Variants in PAH observed in about 807,000 individuals in gnomAD.
PAH encodes phenylalanine-4-hydroxylase.
Under a neutral mutation model 62.0 loss-of-function variants are expected in PAH, and 64 were observed. The observed-to-expected ratio is 1.03, with a 90% confidence interval of 0.84 to 1.27. The LOEUF (loss-of-function observed/expected upper bound fraction) is 1.27, where lower values mean the gene tolerates loss of function less well. Among genes scored for constraint, PAH ranks in the 50% most tolerant of loss-of-function variants. PAH has a pLI of 0.00. For synonymous variants in PAH, 195 were observed against 196.2 expected (o/e 0.99, Z 0.05); for missense variants, 579 against 542.8 (o/e 1.07, Z -0.66).
intron 1 of PAH, among the ~76,000 whole-genome samples, chr12:102,939,135 C>T (rs1879204982): frequency 6.6e-6 from 1 of 152,072 alleles, no homozygotes; most frequent in African/African-American, 2.4e-5. Context: ...GAAACCCCCA[C>T]TTGGGCCTGC....
intron 5 of PAH, among the ~76,000 whole-genome samples, chr12:102,855,989 T>C (rs1362362275): frequency 6.6e-6 from 1 of 150,858 alleles, no homozygotes; most frequent in Non-Finnish European, 1.5e-5. Flanking sequence ...TTGTACACCA[T>C]ATTTTATATA....
chr12:102,871,934 A>T (rs1341806419), intron 4 of PAH, among the ~76,000 whole-genome samples: 22 of 108,504 alleles, frequency 2.0e-4, no homozygotes, highest in Non-Finnish European at 3.1e-4. Flanking sequence ...AAAAAAAAAA[A>T]AAAAAAAAAA....
At chr12:102,850,082 C>T (rs190245337) in intron 8 of PAH, among the ~76,000 whole-genome samples, 1 of 152,206 alleles carries the variant, frequency 6.6e-6, no homozygotes, top group African/African-American at 2.4e-5. Context: ...TAAAAGGTTC[C>T]TATTCTTCAA....
At chr12:102,903,688 C>A (rs1309305337) in intron 2 of PAH, among the ~76,000 whole-genome samples, 1 of 152,168 alleles carries the variant, frequency 6.6e-6, no homozygotes, top group Non-Finnish European at 1.5e-5. Flanking sequence ...AATTCTGAAG[C>A]AGTTTTTGTC....
At chr12:102,849,825 A>G (rs1875069957) in intron 8 of PAH, among the ~76,000 whole-genome samples, 1 of 152,130 alleles carries the variant, frequency 6.6e-6, no homozygotes, top group Admixed American at 6.5e-5. Flanking sequence ...TCCATCCTGT[A>G]CTGTAGTGGG....
At chr12:102,853,629 G>C (rs972436118) in intron 6 of PAH, among the ~76,000 whole-genome samples, 1 of 152,214 alleles carries the variant, frequency 6.6e-6, no homozygotes, top group Admixed American at 6.5e-5. Flanking sequence ...AAGTCCATTT[G>C]TGTGCATATC....
At chr12:102,845,090 C>A (rs1291291156) in intron 9 of PAH, among the ~76,000 whole-genome samples, 1 of 152,092 alleles carries the variant, frequency 6.6e-6, no homozygotes, top group East Asian at 1.9e-4. Context: ...AGCAACTGCC[C>A]CAGTGCCATG....
chr12:102,939,970 AG>A (rs1879234325), intron 1 of PAH, among the ~76,000 whole-genome samples: 1 of 152,218 alleles, frequency 6.6e-6, no homozygotes, highest in Non-Finnish European at 1.5e-5. Context: ...GGCAAGCAGG[AG>A]GAAATACAGA....
intron 3 of PAH, among the ~76,000 whole-genome samples, chr12:102,884,464 C>A (rs906380610): frequency 8.5e-5 from 13 of 152,252 alleles, no homozygotes; most frequent in African/African-American, 3.1e-4. Flanking sequence ...TTGAAGCCAG[C>A]AGGTCTGAGT....
upstream of PAH, among the ~76,000 whole-genome samples, chr12:102,919,154 G>A (rs948133806): frequency 2.0e-5 from 3 of 152,146 alleles, no homozygotes; most frequent in African/African-American, 7.2e-5. Context: ...TTCAATCTAT[G>A]TTTCACCCAA....
rs1565854656 is a variant in PAH at position 102,868,047 on chromosome 12, TATGTATATATATAC to T, written c.442-1398_442-1385del. ...ATATACATGTATATACACCTATATA[TATGTATATATATAC>T]ACATATATATACATATATGTGTGTG... On this transcript the variant is annotated intron_variant, in intron 4 of 12. Coordinates refer to ENST00000553106, the MANE Select transcript of PAH (RefSeq NM_000277.3). Among the ~76,000 whole-genome samples the T allele has an allele frequency of 2.5e-3, 292 of 119,058 alleles. 67 individuals carry two copies. Among genetic ancestry groups the T allele is most frequent in the African/African-American group, 7.9e-3 (276 of 34,748 alleles). The allele number at this position is 119,058 out of a possible 152,430, so 78.1% of individuals were successfully genotyped here. A position where few individuals can be genotyped will look rare whatever the true frequency, so the allele number is the denominator to read the frequency against.
upstream of PAH, among the ~76,000 whole-genome samples, chr12:102,921,768 A>G (rs553969469): frequency 6.6e-6 from 1 of 152,306 alleles, no homozygotes; most frequent in Non-Finnish European, 1.5e-5. Flanking sequence ...AAAGAGGCCA[A>G]TCCCACAATC....
At chr12:102,881,813 T>C (rs940844040) in intron 3 of PAH, among the ~76,000 whole-genome samples, 2 of 152,236 alleles carry the variant, frequency 1.3e-5, no homozygotes, top group African/African-American at 4.8e-5. Flanking sequence ...CTGAATAATA[T>C]TCCATTGTGT....
intron 5 of PAH, among the ~76,000 whole-genome samples, chr12:102,860,813 C>T (rs953344274): frequency 6.6e-6 from 1 of 152,146 alleles, no homozygotes; most frequent in Non-Finnish European, 1.5e-5. Flanking sequence ...CCCTTCCTTA[C>T]ACCTTATACA....
chr12:102,884,871 C>A (rs562226854), intron 3 of PAH, among the ~76,000 whole-genome samples: 2 of 152,324 alleles, frequency 1.3e-5, no homozygotes, highest in Admixed American at 6.5e-5. Context: ...GCTTTACTTT[C>A]ATCATCTCCT....
chr12:102,934,749 G>A lies in PAH; in HGVS notation c.-96+15840C>T, dbSNP rs1879038598. 2.0e-5 allele frequency among the ~76,000 whole-genome samples: 3 copies of A among 152,016 alleles called. No individual in the cohort carries two copies. In the South Asian group the frequency reaches 6.2e-4, roughly 31 times the overall value. ...GCTGCTGGCATATAGAAATGCTACTGATTTTCTATGTTAATTTTATATCCT... is the reference window on the plus strand; with the variant it reads ...GCTGCTGGCATATAGAAATGCTACTAATTTTCTATGTTAATTTTATATCCT... On this transcript the variant is annotated intron_variant, in intron 1 of 3. Transcript: ENST00000546844.
intron 2 of PAH, among the ~76,000 whole-genome samples, chr12:102,899,095 C>CA (rs1877628245): frequency 6.6e-6 from 1 of 152,180 alleles, no homozygotes; most frequent in African/African-American, 2.4e-5. Context: ...TTAAACAAAG[C>CA]AAAGAGCAAT....
At chr12:102,870,510 G>A (rs1386642471) in intron 4 of PAH, among the ~76,000 whole-genome samples, 3 of 152,142 alleles carry the variant, frequency 2.0e-5, no homozygotes, top group Non-Finnish European at 1.5e-5. Flanking sequence ...CTCAAAGCAT[G>A]ATGCATTTGT....
intron 2 of PAH, among the ~76,000 whole-genome samples, chr12:102,904,273 C>A (rs1877882729): frequency 6.6e-6 from 1 of 152,182 alleles, no homozygotes; most frequent in African/African-American, 2.4e-5. Context: ...GATGGTATAT[C>A]CTTAACCCCA....
Sources: gnomAD v4.1 joint callset for allele counts (sites outside exome capture counted in the v4.1 genomes callset) on GRCh38, gnomAD v4.1.1 for gene constraint, MANE v1.5 for transcripts, NCBI Gene and HGNC (gene_info 2026-07-23, HGNC 2026-07-21) for gene names.